The following RBPMS variants were observed in gnomAD, a reference collection of about 807,000 sequenced individuals.
RBPMS encodes the protein RNA-binding protein with multiple splicing.
RBPMS carries 7 observed loss-of-function variants against 26.8 expected under a neutral mutation model. The observed-to-expected ratio is 0.26, with a 90% CI of 0.15 to 0.49. The LOEUF (loss-of-function observed/expected upper bound fraction) is 0.49, where lower values mean the gene tolerates loss of function less well. Ranked by LOEUF, RBPMS falls within the 20% of genes least tolerant of loss-of-function variation. The pLI is 0.98. For missense variants in RBPMS, 186 were observed against 250.0 expected (o/e 0.74, Z 1.73); for synonymous variants, 96 against 93.3 (o/e 1.03, Z -0.17).
chr8:30,521,198 G>A (rs979477830), intron 5 of RBPMS, among the ~76,000 whole-genome samples: 3 of 152,176 alleles, frequency 2.0e-5, no homozygotes, highest in Non-Finnish European at 4.4e-5. Flanking sequence ...TTCTCTGCTT[G>A]TTTTAACACC....
chr8:30,431,420 TCTCTCTTCTCTTCTCTC>T, intron 1 of RBPMS, among the ~76,000 whole-genome samples: 1 of 151,550 alleles, frequency 6.6e-6, no homozygotes, highest in Middle Eastern at 3.4e-3. Flanking sequence ...CTTTTTCTCT[TCTCTCTTCTCTTCTCTC>T]CTCTCTTCTG....
Position 30,450,828 on chromosome 8 carries a change from A to G in RBPMS, c.67-23951A>G, listed in dbSNP as rs928861192. ...AAAAAAAAGTGTGTTTTTGAAAATTAAAGGAAGGACTTTCATTTAAAAATA... is the reference window on the plus strand; with the variant it reads ...AAAAAAAAGTGTGTTTTTGAAAATTGAAGGAAGGACTTTCATTTAAAAATA... On this transcript the variant is annotated intron_variant, in intron 1 of 8. Transcript: ENST00000397323. 1.3e-4 allele frequency among the ~76,000 whole-genome samples: 19 copies of G among 149,590 alleles called. 2 individuals are homozygous for G. Among genetic ancestry groups the G allele is most frequent in the African/African-American group, 4.4e-4 (18 of 41,218 alleles).
At chr8:30,386,153 T>C (rs937732179) in intron 1 of RBPMS, among the ~76,000 whole-genome samples, 2 of 152,158 alleles carry the variant, frequency 1.3e-5, no homozygotes, top group African/African-American at 2.4e-5. Context: ...CCCGAAAAGA[T>C]TCACACAGGT....
intron 1 of RBPMS, among the ~76,000 whole-genome samples, chr8:30,436,816 G>C (rs1812499694): frequency 6.6e-6 from 1 of 151,866 alleles, no homozygotes; most frequent in Admixed American, 6.6e-5. Context: ...GTTGGATTTT[G>C]TTCTAAAAGA....
intron 6 of RBPMS, chr8:30,544,982 G>T (rs1362303110): frequency 6.9e-7 from 1 of 1,452,920 alleles, no homozygotes; most frequent in Non-Finnish European, 9.0e-7. Flanking sequence ...GGCTGCAGAG[G>T]AAGGTGTGTG....
At chr8:30,468,767 T>C (rs1054112880) in intron 1 of RBPMS, among the ~76,000 whole-genome samples, 1 of 152,174 alleles carries the variant, frequency 6.6e-6, no homozygotes, top group African/African-American at 2.4e-5. Flanking sequence ...AAGAATGGTT[T>C]CTCCAAAACA....
intron 1 of RBPMS, among the ~76,000 whole-genome samples, chr8:30,421,170 A>T (rs1010768153): frequency 2.0e-5 from 3 of 151,024 alleles, no homozygotes; most frequent in African/African-American, 7.3e-5. Flanking sequence ...TGTGTGAGAG[A>T]GAGTGTGTGT....
intron 5 of RBPMS, among the ~76,000 whole-genome samples, chr8:30,507,899 T>G (rs1585699893): frequency 6.6e-6 from 1 of 152,206 alleles, no homozygotes; most frequent in East Asian, 1.9e-4. Flanking sequence ...TCAATAGCAC[T>G]TATTTTCCAG....
chr8:30,519,620 A>T (rs1199447108), intron 5 of RBPMS, among the ~76,000 whole-genome samples: 2 of 151,228 alleles, frequency 1.3e-5, no homozygotes, highest in Non-Finnish European at 2.9e-5. Context: ...AGTAACTGGG[A>T]CTATAGGCGC....
intron 8 of RBPMS, among the ~76,000 whole-genome samples, chr8:30,566,647 C>A (rs1827904702): frequency 6.6e-6 from 1 of 152,248 alleles, no homozygotes; most frequent in Non-Finnish European, 1.5e-5. Context: ...CCAGTGGCAC[C>A]TGGAGTGAGG....
rs953098266 is a variant in RBPMS, at chr8:30,544,554, T to C, written c.458T>C (p.Leu153Pro). The C allele has an allele frequency of 6.8e-6, 11 of 1,614,102 alleles. No homozygotes were observed. In the Admixed American group the frequency reaches 1.8e-4, roughly 27 times the overall value. The change falls in exon 6 of 9, where the codon CTG becomes CCG. Residue 153 changes from leucine to proline, a missense_variant. This residue lies in a region of RBPMS where 98 missense variants were observed against 113.6 expected (regional missense o/e 0.86). Coordinates refer to ENST00000397323, the MANE Select transcript of RBPMS (RefSeq NM_001008710.3). ...CCTGAAGTGTGGGCCCCGTACCCTC[T>C]GTACCCAGCGGAGTTAGCGCCTGCT... ...SSPEVWAPYP[L>P]YPAELAPALP... is the part of the protein sequence containing the mutation.
chr8:30,550,915 G>A (rs1025707065), intron 6 of RBPMS, among the ~76,000 whole-genome samples: 19 of 152,226 alleles, frequency 1.2e-4, no homozygotes, highest in African/African-American at 4.6e-4. Context: ...CTTTCCAGCT[G>A]CAGCCTTATC....
chr8:30,388,788 C>A (rs1033267223), intron 1 of RBPMS, among the ~76,000 whole-genome samples: 3 of 151,936 alleles, frequency 2.0e-5, no homozygotes, highest in African/African-American at 7.3e-5. Context: ...CTTTAAAAGG[C>A]CTTTTATTAT....
intron 1 of RBPMS, among the ~76,000 whole-genome samples, chr8:30,452,527 C>T (rs1814707444): frequency 6.6e-6 from 1 of 152,142 alleles, no homozygotes; most frequent in African/African-American, 2.4e-5. Flanking sequence ...TCTCCTACCT[C>T]CACCCCCTAC....
At chr8:30,493,421 G>C (rs1371402990) in intron 4 of RBPMS, among the ~76,000 whole-genome samples, 2 of 152,166 alleles carry the variant, frequency 1.3e-5, no homozygotes, top group Middle Eastern at 3.2e-3. Flanking sequence ...ACTCTGCAAT[G>C]AAAGGGACTA....
intron 1 of RBPMS, among the ~76,000 whole-genome samples, chr8:30,441,876 G>A (rs990599680): frequency 5.9e-5 from 9 of 152,086 alleles, no homozygotes; most frequent in Non-Finnish European, 1.0e-4. Context: ...TGCAATCTCC[G>A]CCTCCTGGAT....
intron 6 of RBPMS, among the ~76,000 whole-genome samples, chr8:30,549,785 T>TCC (rs1826171958): frequency 2.7e-5 from 3 of 110,098 alleles, no homozygotes; most frequent in African/African-American, 1.2e-4. Flanking sequence ...TCTCTCTCTC[T>TCC]CTCTCTCTCT....
At chr8:30,437,977 A>AT in intron 1 of RBPMS, among the ~76,000 whole-genome samples, 1 of 152,198 alleles carries the variant, frequency 6.6e-6, no homozygotes, top group Middle Eastern at 3.4e-3. Context: ...AAAAAAAAAA[A>AT]GTTGTTATTT....
At chr8:30,502,460 T>C (rs1820662068) in intron 4 of RBPMS, among the ~76,000 whole-genome samples, 1 of 152,226 alleles carries the variant, frequency 6.6e-6, no homozygotes, top group African/African-American at 2.4e-5. Context: ...CCCAGTGGCC[T>C]GGGCCACAGG....
Sources: allele counts gnomAD v4.1 joint callset (sites outside exome capture counted in the v4.1 genomes callset), GRCh38; gene constraint gnomAD v4.1.1; regional missense constraint gnomAD v4.1.1; transcripts MANE v1.5; gene names NCBI Gene and HGNC (gene_info 2026-07-23, HGNC 2026-07-21).